The following NELL1 variants were observed in gnomAD, a reference collection of about 807,000 sequenced individuals.
NELL1 encodes protein kinase C-binding protein NELL1.
NELL1 carries 76 observed loss-of-function variants against 107.4 expected under a neutral mutation model. That is an observed-to-expected ratio of 0.71 (90% CI 0.59 to 0.86). NELL1 has a LOEUF of 0.86. Ranked by LOEUF, NELL1 falls within the 40% of genes least tolerant of loss-of-function variation. The pLI, the probability that NELL1 is intolerant of heterozygous loss-of-function variation, is 0.00. For missense variants in NELL1, 1,024 were observed against 1,005.5 expected, an observed-to-expected ratio of 1.02 and a Z score of -0.25; for synonymous variants, 353 against 341.2, an observed-to-expected ratio of 1.03 and a Z score of -0.38.
chr11:20,856,833 A>G (rs1848890276), intron 4 of NELL1, among the ~76,000 whole-genome samples: 1 of 152,202 alleles, frequency 6.6e-6, no homozygotes, highest in South Asian at 2.1e-4. Flanking sequence ...ATGTTTCTCT[A>G]GAGATGATTG....
intron 12 of NELL1, among the ~76,000 whole-genome samples, chr11:21,006,329 G>A (rs1019252848): frequency 3.3e-5 from 5 of 152,074 alleles, no homozygotes; most frequent in Non-Finnish European, 7.4e-5. Context: ...CTCACCATGC[G>A]ATGCCTTCTG....
At chr11:21,335,926 T>C (rs1464742992) in intron 14 of NELL1, among the ~76,000 whole-genome samples, 1 of 152,084 alleles carries the variant, frequency 6.6e-6, no homozygotes, top group Non-Finnish European at 1.5e-5. Flanking sequence ...TTTGCTTTAG[T>C]TCTGTATAAA....
intron 15 of NELL1, among the ~76,000 whole-genome samples, chr11:21,396,948 T>C (rs12293839): frequency 0.027 from 4,168 of 151,746 alleles, 97 homozygotes; most frequent in African/African-American, 0.063. Flanking sequence ...TAACATCAGA[T>C]GTAGAGGGAT....
chr11:21,488,672 G>A (rs149851089), intron 15 of NELL1, among the ~76,000 whole-genome samples: 89 of 152,184 alleles, frequency 5.8e-4, no homozygotes, highest in African/African-American at 1.9e-3. Context: ...ATTAAACAAC[G>A]TATTCCTAAA....
intron 12 of NELL1, among the ~76,000 whole-genome samples, chr11:21,088,642 CT>C (rs1011768655): frequency 1.2e-4 from 18 of 152,080 alleles, no homozygotes; most frequent in Admixed American, 4.6e-4. Context: ...GGTCAAGTGA[CT>C]TTTTTTTAGC....
At chr11:20,916,725 T>A (rs1310992024) in intron 5 of NELL1, among the ~76,000 whole-genome samples, 1 of 151,974 alleles carries the variant, frequency 6.6e-6, no homozygotes, top group African/African-American at 2.4e-5. Context: ...TATAGTTTTG[T>A]CTGTTTACAT....
chr11:21,207,993 T>C (rs1565111406), intron 13 of NELL1, among the ~76,000 whole-genome samples: 4 of 152,200 alleles, frequency 2.6e-5, no homozygotes. Flanking sequence ...ATTTAACATG[T>C]CCATCATCTC....
chr11:20,875,730 C>A (rs1259541175), intron 4 of NELL1, among the ~76,000 whole-genome samples: 2 of 151,986 alleles, frequency 1.3e-5, no homozygotes, highest in South Asian at 4.1e-4. Context: ...ATATCTGGAT[C>A]GTGAATTTTA....
chr11:20,884,044 C>G (rs1849458807), intron 4 of NELL1, among the ~76,000 whole-genome samples: 1 of 152,150 alleles, frequency 6.6e-6, no homozygotes, highest in Non-Finnish European at 1.5e-5. Context: ...TGAGTGTCCA[C>G]TTATAATGGA....
chr11:21,417,478 A>G (rs1200664607), intron 15 of NELL1, among the ~76,000 whole-genome samples: 23 of 151,432 alleles, frequency 1.5e-4, no homozygotes, highest in Admixed American at 1.5e-3. Flanking sequence ...GGGTTTCCAG[A>G]TTTAAAGAAG....
At position 21,488,080 on chromosome 11, in the gene NELL1, T is replaced by TACTGGGGG. The variant is rs138657134; in HGVS notation, c.1646-46291_1646-46290insGGGGGACT. Reference sequence around the variant, plus strand: ...AGAGAAACTGACTTCAGTTCAGAAATACTTTAAAAGCCTATTCTCACCATT... The same window carrying TACTGGGGG: ...AGAGAAACTGACTTCAGTTCAGAAATACTGGGGGACTTTAAAAGCCTATTCTCACCATT... On this transcript the variant is annotated intron_variant, in intron 15 of 19. Transcript: ENST00000357134. 0.021 allele frequency among the ~76,000 whole-genome samples: 3,213 copies of TACTGGGGG among 152,094 alleles called. 289 individuals are homozygous for TACTGGGGG. In the East Asian group the frequency reaches 0.29, roughly 14 times the overall value.
chr11:21,469,126 AT>A (rs766051488), intron 15 of NELL1, among the ~76,000 whole-genome samples: 6 of 152,076 alleles, frequency 3.9e-5, no homozygotes, highest in African/African-American at 1.2e-4. Context: ...GATCCATCAG[AT>A]TATTTTTAAA....
At chr11:21,528,511 A>ACCCC (rs1554929481) in intron 15 of NELL1, among the ~76,000 whole-genome samples, 2 of 46,338 alleles carry the variant, frequency 4.3e-5, no homozygotes, top group South Asian at 9.6e-4. Context: ...GCACATACCC[A>ACCCC]CCCCCCCCCC....
At chr11:20,854,182 C>T (rs987298817) in intron 4 of NELL1, among the ~76,000 whole-genome samples, 2 of 152,158 alleles carry the variant, frequency 1.3e-5, no homozygotes, top group African/African-American at 4.8e-5. Context: ...GAAAGTCTGG[C>T]TTTTTAGCTC....
chr11:21,113,829 C>T (rs541308237), intron 13 of NELL1, 115 bp downstream of exon 13: 1 of 1,035,324 alleles, frequency 9.7e-7, no homozygotes, highest in Non-Finnish European at 1.4e-6. Flanking sequence ...AATAGTTCTT[C>T]TCTTTATTAC....
intron 13 of NELL1, among the ~76,000 whole-genome samples, chr11:21,162,434 C>G (rs1033029526): frequency 2.6e-5 from 4 of 152,078 alleles, no homozygotes; most frequent in African/African-American, 9.7e-5. Flanking sequence ...TATTAGTTAA[C>G]TAGATTAACG....
intron 12 of NELL1, among the ~76,000 whole-genome samples, chr11:21,078,988 C>G (rs1224233889): frequency 6.6e-6 from 1 of 151,330 alleles, no homozygotes; most frequent in Non-Finnish European, 1.5e-5. Context: ...AAAGCAAAAA[C>G]TATGCATTTG....
At chr11:20,730,725 C>T (rs374137838) in intron 2 of NELL1, among the ~76,000 whole-genome samples, 1 of 152,154 alleles carries the variant, frequency 6.6e-6, no homozygotes, top group Non-Finnish European at 1.5e-5. Flanking sequence ...GGTTTGGGAT[C>T]ATTTAACCTT....
At chr11:20,754,302 G>T (rs572651727) in intron 2 of NELL1, among the ~76,000 whole-genome samples, 1 of 152,174 alleles carries the variant, frequency 6.6e-6, no homozygotes, top group Non-Finnish European at 1.5e-5. Context: ...AAATGTGAGC[G>T]TGTTGATAAT....
Sources: allele counts gnomAD v4.1 joint callset (sites outside exome capture counted in the v4.1 genomes callset), GRCh38; gene constraint gnomAD v4.1.1; transcripts MANE v1.5; gene names NCBI Gene and HGNC (gene_info 2026-07-23, HGNC 2026-07-21).